Variants in SORBS3 observed in about 807,000 individuals in gnomAD.
SORBS3 encodes sorbin and SH3 domain containing 3.
SORBS3 carries 69 observed loss-of-function variants against 98.0 expected under a neutral mutation model. The observed-to-expected ratio is 0.70, with a 90% CI of 0.58 to 0.86. The LOEUF is 0.86. Ranked by LOEUF, SORBS3 falls within the 40% of genes least tolerant of loss-of-function variation. SORBS3 has a pLI of 0.00. For synonymous variants in SORBS3, 394 were observed against 355.4 expected, an observed-to-expected ratio of 1.11 and a Z score of -1.22; for missense variants, 954 against 908.5, an observed-to-expected ratio of 1.05 and a Z score of -0.64.
At chr8:22,550,467 G>C (rs529185244), upstream of SORBS3, among the ~76,000 whole-genome samples, 251 of 152,378 alleles carry the variant, frequency 1.6e-3, 1 homozygote, top group African/African-American at 5.8e-3. Flanking sequence ...TGGTGCAGCT[G>C]TGTGTCCACA....
chr8:22,572,480 G>A (rs370814607), intron 20 of SORBS3, 34 bp downstream of exon 20: 1 of 1,512,252 alleles, frequency 6.6e-7, no homozygotes, highest in Admixed American at 1.7e-5. Context: ...GCATCTCAGG[G>A]CCCCAGGGGA....
Position 22,566,451 on chromosome 8 carries a change from C to T in SORBS3, c.1057C>T (p.Arg353Trp), listed in dbSNP as rs780345923. 2 of 1,613,972 alleles carry T rather than the reference C, an allele frequency of 1.2e-6. No individual in the cohort carries two copies. The highest frequency in any genetic ancestry group is 3.3e-5 in the Admixed American group (2 of 60,016). ...MADGGSPFLG[R>W]RDFVYPSSTR... ...TGATGGAGGAAGCCCCTTCCTAGGT[C>T]GGAGGGACTTTGTCTACCCTTCCTC... The change falls in exon 13 of 21, where the codon CGG becomes TGG. Residue 353 changes from arginine (R) to tryptophan (W), a missense_variant. Coordinates refer to ENST00000240123, the MANE Select transcript of SORBS3 (RefSeq NM_005775.5).
At chr8:22,569,802 G>T (rs1840525102) in intron 17 of SORBS3, among the ~76,000 whole-genome samples, 1 of 151,658 alleles carries the variant, frequency 6.6e-6, no homozygotes, top group South Asian at 2.1e-4. Context: ...TGAACTCCTG[G>T]GCTCAAGCGA....
intron 20 of SORBS3, 107 bp downstream of exon 20, chr8:22,572,553 C>T (rs993586369): frequency 6.7e-6 from 6 of 890,430 alleles, no homozygotes; most frequent in Non-Finnish European, 1.1e-5. Flanking sequence ...CGACCACCCC[C>T]CGACTCAGCT....
At chr8:22,551,545 C>A (rs1262577247), upstream of SORBS3, 3 of 165,304 alleles carry the variant, frequency 1.8e-5, no homozygotes, top group Non-Finnish European at 3.7e-5. This position sits in a 1 kb window ranked among gnomAD's most constrained non-coding sequence, Gnocchi z 5.8. Context: ...CGTGTCGGGC[C>A]GCCCGACCCC....
rs117092311 is a variant in SORBS3 at position 22,570,620 on chromosome 8, T to G, written c.1432-290T>G. On this transcript the variant is annotated intron_variant, in intron 17 of 20. Coordinates refer to ENST00000240123, the MANE Select transcript of SORBS3 (RefSeq NM_005775.5). ...CTGTATTATTAGCCACGGGCTCACC[T>G]GTGATCGGAGCTCTGGGGAGGGACC... 1.5e-3 allele frequency among the ~76,000 whole-genome samples: 222 copies of G among 152,306 alleles called. 5 individuals carry two copies. In the East Asian group the frequency reaches 0.038, roughly 26 times the overall value.
At chr8:22,574,551 T>A (rs1840678039) in intron 20 of SORBS3, 116 bp from the exon 21 acceptor site, 1 of 967,276 alleles carries the variant, frequency 1.0e-6, no homozygotes, top group Non-Finnish European at 1.6e-6. Flanking sequence ...CTCTCTGGGC[T>A]CCCCTACAGA....
At chr8:22,563,500 C>G (rs1840338643) in intron 7 of SORBS3, among the ~76,000 whole-genome samples, 1 of 152,194 alleles carries the variant, frequency 6.6e-6, no homozygotes, top group Non-Finnish European at 1.5e-5. Flanking sequence ...TCTGGCTTTC[C>G]TTGCCCATGG....
intron 8 of SORBS3, 67 bp from the exon 9 acceptor site, chr8:22,564,216 C>A: frequency 6.6e-7 from 1 of 1,510,066 alleles, no homozygotes. Context: ...TGCAAGCCTG[C>A]ATTTTGAGCC....
upstream of SORBS3, among the ~76,000 whole-genome samples, chr8:22,549,752 T>C (rs1840054855): frequency 1.3e-5 from 2 of 152,140 alleles, no homozygotes; most frequent in Admixed American, 1.3e-4. Context: ...TGCAAAGCTG[T>C]TTACTCAACG....
At position 22,566,885 on chromosome 8, in the gene SORBS3, C is replaced by A. The variant is rs768918487; in HGVS notation, c.1190+17C>A. 3 of 1,603,268 alleles carry A rather than the reference C, an allele frequency of 1.9e-6. No individual in the cohort carries two copies. The highest frequency in any genetic ancestry group is 2.6e-6 in the Non-Finnish European group (3 of 1,174,846). On this transcript the variant is annotated intron_variant, in intron 15 of 20. Transcript: ENST00000240123. Reference sequence around the variant, plus strand: ...GTCCCCCAAGTAAGCGCCCTCCTCCCCCTCCCCTTCCACCCAAGGCAATCT... The same window carrying A: ...GTCCCCCAAGTAAGCGCCCTCCTCCACCTCCCCTTCCACCCAAGGCAATCT...
rs561729561 is a variant in SORBS3 at position 22,572,346 on chromosome 8, G to T, written c.1854G>T (p.Arg618=). ...NTSQIHWTPY[R]AMYQYRPQNE... Reference sequence around the variant, plus strand: ...CATGATACGCTTCTCGCAGGTACCGGGCGATGTACCAGTACAGGCCCCAGA... The same window carrying T: ...CATGATACGCTTCTCGCAGGTACCGTGCGATGTACCAGTACAGGCCCCAGA... Residue 618 remains arginine, a synonymous_variant, in exon 20 of 21, where the codon CGG becomes CGT. Coordinates refer to ENST00000240123, the MANE Select transcript of SORBS3 (RefSeq NM_005775.5). The T allele has an allele frequency of 6.2e-7, 1 of 1,613,768 alleles. No homozygotes were observed. The highest frequency in any genetic ancestry group is 1.3e-5 in the African/African-American group (1 of 75,036).
Position 22,566,353 on chromosome 8 carries a change from C to T in SORBS3, c.959C>T (p.Ser320Leu). ...CTCTGTGCCCCGTGCAGCCCGGCCT[C>T]AGCCTGGAGCTCCAGCTACCCACAT... ...PEQRPPAGPA[S>L]AWSSSYPHAP... The change falls in exon 13 of 21, where the codon TCA becomes TTA. Residue 320 changes from serine (S) to leucine (L), a missense_variant. Ser to Leu is a moderately radical substitution (Grantham distance 145). Coordinates refer to ENST00000240123, the MANE Select transcript of SORBS3 (RefSeq NM_005775.5). 6.2e-7 allele frequency: 1 copy of T among 1,613,510 alleles called. No homozygotes were observed. Among genetic ancestry groups the T allele is most frequent in the South Asian group, 1.1e-5 (1 of 91,070 alleles).
chr8:22,562,154 G>A (rs145374441), intron 7 of SORBS3, among the ~76,000 whole-genome samples: 134 of 152,366 alleles, frequency 8.8e-4, no homozygotes, highest in African/African-American at 2.5e-3. Context: ...AGGCAAGAGT[G>A]GACCTGGCAC....
rs1840604805 is a variant in SORBS3, at chr8:22,572,203, A to C, written c.1848-137A>C. 4.1e-6 allele frequency: 3 copies of C among 723,782 alleles called. No individual in the cohort carries two copies. The Admixed American group carries it at 6.3e-5, about 15-fold the overall frequency. The allele number at this position is 723,782 out of a possible 1,614,324, so 44.8% of individuals were successfully genotyped here. On this transcript the variant is annotated intron_variant, in intron 19 of 20. Coordinates refer to ENST00000240123, the MANE Select transcript of SORBS3 (RefSeq NM_005775.5). ...GCCTGGGAAAGACTACGGTGAGCAC[A>C]GGCTGAGTTGCTCTGAGGAGCTGGA... is the stretch of plus-strand genomic sequence containing the variant.
At position 22,554,966 on chromosome 8, in the gene SORBS3, C is replaced by T. The variant is rs781126715; in HGVS notation, c.206C>T (p.Ala69Val). ...CNGGYTPRRD[A>V]SQHPDPAWYQ... ...GGGGGCTACACACCAAGACGAGATG[C>T]TTCCCAGCACCCGGGTAGGTCTGCT... The change falls in exon 3 of 21, where the codon GCT (alanine) becomes GTT (valine). Residue 69 changes from alanine (A) to valine (V), a missense_variant. Physicochemically the swap from Ala to Val is moderately conservative, Grantham distance 64 (BLOSUM62 0). Transcript: ENST00000240123. This position sits in a 1 kb window ranked among gnomAD's most constrained non-coding sequence, Gnocchi z 6.5. The T allele has an allele frequency of 6.2e-7, 1 of 1,613,462 alleles. No homozygotes were observed. Among genetic ancestry groups the T allele is most frequent in the African/African-American group, 1.3e-5 (1 of 75,054 alleles).
At chr8:22,550,355 A>T (rs189464564), upstream of SORBS3, among the ~76,000 whole-genome samples, 29 of 152,334 alleles carry the variant, frequency 1.9e-4, no homozygotes, top group African/African-American at 7.0e-4. Context: ...TAGATGCCCC[A>T]CAACTGGCAG....
chr8:22,559,672 C>T (rs914879670), intron 5 of SORBS3, among the ~76,000 whole-genome samples: 6 of 150,604 alleles, frequency 4.0e-5, no homozygotes, highest in African/African-American at 9.8e-5. Context: ...CACTGCACTC[C>T]AGCCTGGGCA....
chr8:22,565,624 C>A, intron 11 of SORBS3: 1 of 1,040,144 alleles, frequency 9.6e-7, no homozygotes, highest in Non-Finnish European at 1.2e-6. Flanking sequence ...CCGTCCGGCC[C>A]CCGGGCCCCA....
Sources: gnomAD v4.1 joint callset for allele counts (sites outside exome capture counted in the v4.1 genomes callset) on GRCh38, gnomAD v4.1.1 for gene constraint, Gnocchi (gnomAD v3.1) non-coding constraint, MANE v1.5 for transcripts, NCBI Gene and HGNC (gene_info 2026-07-23, HGNC 2026-07-21) for gene names.